GRIK2: variants seen among roughly 807,000 people sequenced by gnomAD.
GRIK2 encodes glutamate receptor ionotropic, kainate 2.
Under a neutral mutation model 100.3 loss-of-function variants are expected in GRIK2, and 32 were observed. The observed-to-expected ratio is 0.32, with a 90% CI of 0.24 to 0.43. The LOEUF (loss-of-function observed/expected upper bound fraction) is 0.43. Among genes scored for constraint, GRIK2 ranks in the 20% least tolerant of loss-of-function variants. The pLI is 1.00. For synonymous variants in GRIK2, 417 were observed against 389.4 expected (o/e 1.07, Z -0.83); for missense variants, 843 against 1,114.9 (o/e 0.76, Z 3.47).
chr6:101,694,379 G>C (rs1202591814), intron 7 of GRIK2, among the ~76,000 whole-genome samples: 1 of 152,090 alleles, frequency 6.6e-6, no homozygotes, highest in East Asian at 1.9e-4. Context: ...GTAAGTTAAA[G>C]GAGTGGATTG....
intron 2 of GRIK2, among the ~76,000 whole-genome samples, chr6:101,520,163 A>G (rs1774809843): frequency 9.7e-6 from 1 of 102,908 alleles, no homozygotes; most frequent in African/African-American, 6.3e-5. Flanking sequence ...TACATGATAA[A>G]TCTTCTTTTT....
At chr6:101,601,092 T>C (rs370398918) in intron 2 of GRIK2, among the ~76,000 whole-genome samples, 1 of 148,998 alleles carries the variant, frequency 6.7e-6, no homozygotes, top group East Asian at 2.0e-4. Context: ...TATTTTGAAG[T>C]ATGTTCCTCT....
At chr6:101,852,564 G>A (rs914958830) in intron 10 of GRIK2, among the ~76,000 whole-genome samples, 2 of 152,076 alleles carry the variant, frequency 1.3e-5, no homozygotes, top group African/African-American at 4.8e-5. Context: ...GGGGATGTTT[G>A]GTGCTTTTGA....
intron 2 of GRIK2, among the ~76,000 whole-genome samples, chr6:101,609,702 C>T (rs1417360656): frequency 1.3e-5 from 2 of 151,842 alleles, no homozygotes; most frequent in East Asian, 1.9e-4. Context: ...TAAAAACTCA[C>T]ACTACATGTG....
intron 2 of GRIK2, among the ~76,000 whole-genome samples, chr6:101,617,672 A>G (rs1562263509): frequency 6.6e-6 from 1 of 151,630 alleles, no homozygotes; most frequent in African/African-American, 2.4e-5. Flanking sequence ...TTAAATTTTC[A>G]TTTTCCATAA....
intron 2 of GRIK2, among the ~76,000 whole-genome samples, chr6:101,601,204 G>C (rs1020371054): frequency 6.7e-6 from 1 of 149,840 alleles, no homozygotes; most frequent in Non-Finnish European, 1.5e-5. Context: ...CATGGTTTTT[G>C]GTTTTAAATC....
rs1167356638 is a variant in GRIK2 at position 102,035,475 on chromosome 6, A to G, written c.2220A>G (p.Thr740=). 1 of 1,609,650 alleles carries G rather than the reference A, an allele frequency of 6.2e-7. No individual in the cohort carries two copies. The highest frequency in any genetic ancestry group is 8.5e-7 in the Non-Finnish European group (1 of 1,176,930). Residue 740 remains threonine, a synonymous_variant, in exon 15 of 17, where the codon ACA becomes ACG. Coordinates refer to ENST00000369134, the MANE Select transcript of GRIK2 (RefSeq NM_021956.5). The part of the protein sequence containing the change: ...TSDYAFLMES[T]TIEFVTQRNC... ...ATTATGCTTTCCTAATGGAGTCAAC[A>G]ACCATCGAGTTTGTTACCCAGCGGA...
chr6:101,450,299 T>A (rs889807877), intron 2 of GRIK2, among the ~76,000 whole-genome samples: 2 of 151,660 alleles, frequency 1.3e-5, no homozygotes, highest in African/African-American at 4.8e-5. Context: ...ACAAGAGCCA[T>A]CATAGGTTTT....
At chr6:101,713,021 C>A (rs1026926564) in intron 7 of GRIK2, among the ~76,000 whole-genome samples, 5 of 151,688 alleles carry the variant, frequency 3.3e-5, no homozygotes, top group African/African-American at 1.2e-4. Context: ...CAGAAAAAAA[C>A]TCTAATTTTT....
Position 102,055,520 on chromosome 6 carries a change from A to G in GRIK2, c.2502A>G (p.Ser834=). ...FIVLAAGLVL[S]VFVAVGEFLY... ...TTCTGGCAGCCGGCTTGGTGCTTTCAGTTTTTGTGGCAGTGGGAGAATTTT... is the reference window on the plus strand; with the variant it reads ...TTCTGGCAGCCGGCTTGGTGCTTTCGGTTTTTGTGGCAGTGGGAGAATTTT... Residue 834 remains serine, a synonymous_variant, in exon 16 of 17, where the codon TCA becomes TCG. Coordinates refer to ENST00000369134, the MANE Select transcript of GRIK2 (RefSeq NM_021956.5). 1.2e-6 allele frequency: 2 copies of G among 1,613,126 alleles called. No homozygotes were observed. The highest frequency in any genetic ancestry group is 1.7e-6 in the Non-Finnish European group (2 of 1,179,158).
chr6:102,042,020 T>A (rs1770607483), intron 15 of GRIK2, among the ~76,000 whole-genome samples: 1 of 151,642 alleles, frequency 6.6e-6, no homozygotes, highest in Non-Finnish European at 1.5e-5. Context: ...ATCAGTATAT[T>A]GTAATTAGAT....
chr6:101,995,565 A>G (rs1040525710), intron 14 of GRIK2, among the ~76,000 whole-genome samples: 2 of 152,006 alleles, frequency 1.3e-5, no homozygotes, highest in African/African-American at 4.8e-5. Context: ...TTAAATGCTC[A>G]TCAACGTCTT....
At chr6:101,923,169 G>C (rs891324901) in intron 12 of GRIK2, among the ~76,000 whole-genome samples, 1 of 152,046 alleles carries the variant, frequency 6.6e-6, no homozygotes, top group Non-Finnish European at 1.5e-5. Context: ...CATATGTCAG[G>C]AACATTATTG....
intron 14 of GRIK2, among the ~76,000 whole-genome samples, chr6:101,941,453 A>G (rs543202050): frequency 2.6e-5 from 4 of 152,206 alleles, no homozygotes; most frequent in African/African-American, 9.6e-5. Context: ...GGTCATTATC[A>G]ACATACATTC....
At chr6:101,693,532 T>C (rs1772259273) in intron 7 of GRIK2, among the ~76,000 whole-genome samples, 1 of 151,924 alleles carries the variant, frequency 6.6e-6, no homozygotes, top group Admixed American at 6.6e-5. Flanking sequence ...AGTTCATTGT[T>C]GTATGCAGCA....
intron 11 of GRIK2, among the ~76,000 whole-genome samples, chr6:101,877,028 G>C (rs1785899161): frequency 6.6e-6 from 1 of 151,836 alleles, no homozygotes; most frequent in Admixed American, 6.6e-5. Context: ...CTAGCATTCT[G>C]ATATGCTTTT....
intron 2 of GRIK2, among the ~76,000 whole-genome samples, chr6:101,531,436 CAAGT>C (rs1290733267): frequency 6.6e-6 from 1 of 151,754 alleles, no homozygotes; most frequent in Non-Finnish European, 1.5e-5. Flanking sequence ...AGAAAAGTGA[CAAGT>C]AACATATATT....
intron 2 of GRIK2, among the ~76,000 whole-genome samples, chr6:101,569,592 C>T (rs2128298529): frequency 6.6e-6 from 1 of 151,892 alleles, no homozygotes; most frequent in African/African-American, 2.4e-5. Context: ...GTACGAGGAT[C>T]TAATTTTTAT....
At chr6:101,660,410 G>A (rs973568514) in intron 4 of GRIK2, among the ~76,000 whole-genome samples, 1 of 151,962 alleles carries the variant, frequency 6.6e-6, no homozygotes, top group African/African-American at 2.4e-5. Context: ...CTTGCATTGG[G>A]TTAGAACATG....
Sources: allele counts gnomAD v4.1 joint callset (sites outside exome capture counted in the v4.1 genomes callset), GRCh38; gene constraint gnomAD v4.1.1; transcripts MANE v1.5; gene names NCBI Gene and HGNC (gene_info 2026-07-23, HGNC 2026-07-21).